Variants in ADAMTSL3 observed in about 807,000 individuals in gnomAD.
ADAMTSL3 encodes ADAMTS like 3.
ADAMTSL3 carries 128 observed loss-of-function variants against 201.7 expected under a neutral mutation model. That is an observed-to-expected ratio of 0.63 (90% CI 0.55 to 0.73). The LOEUF (loss-of-function observed/expected upper bound fraction) is 0.73. Among genes scored for constraint, ADAMTSL3 ranks in the 30% least tolerant of loss-of-function variants. The pLI, the probability that ADAMTSL3 is intolerant of heterozygous loss-of-function variation, is 0.00. For synonymous variants in ADAMTSL3, 738 were observed against 748.4 expected, an observed-to-expected ratio of 0.99 and a Z score of 0.23; for missense variants, 1,990 against 2,119.6, an observed-to-expected ratio of 0.94 and a Z score of 1.20.
chr15:83,987,894 C>G (rs1456201091), intron 21 of ADAMTSL3, among the ~76,000 whole-genome samples: 2 of 151,922 alleles, frequency 1.3e-5, no homozygotes, highest in East Asian at 3.9e-4. Context: ...AACCACTGAT[C>G]CGGGTGATTT....
chr15:83,930,414 T>C (rs1284376379), intron 17 of ADAMTSL3, among the ~76,000 whole-genome samples: 2 of 152,224 alleles, frequency 1.3e-5, no homozygotes, highest in Non-Finnish European at 2.9e-5. Flanking sequence ...GTTTAGTCAG[T>C]GCTCTTCCAT....
At chr15:83,863,029 T>C (rs2141796559) in intron 8 of ADAMTSL3, 1 of 152,282 alleles carries the variant, frequency 6.6e-6, no homozygotes, top group East Asian at 1.9e-4. Flanking sequence ...AAGAAGGCCA[T>C]TACATAGTGG....
chr15:83,921,341 A>G (rs1449311022), intron 16 of ADAMTSL3, among the ~76,000 whole-genome samples: 3 of 152,204 alleles, frequency 2.0e-5, no homozygotes, highest in Admixed American at 1.3e-4. Context: ...AGCATAGTGT[A>G]TCTATTTCTA....
At chr15:83,818,976 T>C (rs1441652709) in intron 5 of ADAMTSL3, among the ~76,000 whole-genome samples, 5 of 151,934 alleles carry the variant, frequency 3.3e-5, no homozygotes, top group African/African-American at 1.2e-4. Context: ...GACAGATGAA[T>C]TAAAAACAAC....
At chr15:83,734,775 C>T (rs1245341994) in intron 3 of ADAMTSL3, among the ~76,000 whole-genome samples, 1 of 152,062 alleles carries the variant, frequency 6.6e-6, no homozygotes, top group Non-Finnish European at 1.5e-5. Flanking sequence ...CCAGATTGCC[C>T]CCAGGGGTCA....
intron 19 of ADAMTSL3, among the ~76,000 whole-genome samples, chr15:83,956,690 C>T (rs962484781): frequency 1.7e-4 from 26 of 152,058 alleles, no homozygotes; most frequent in Non-Finnish European, 3.1e-4. Flanking sequence ...CACACACACA[C>T]ACACACACAC....
intron 3 of ADAMTSL3, among the ~76,000 whole-genome samples, chr15:83,730,575 C>A (rs1398524169): frequency 2.0e-5 from 3 of 151,838 alleles, no homozygotes; most frequent in African/African-American, 7.3e-5. Context: ...GCAAAACCAG[C>A]CTCAAGAACC....
intron 3 of ADAMTSL3, among the ~76,000 whole-genome samples, chr15:83,718,771 T>C (rs2062055200): frequency 1.3e-5 from 2 of 152,042 alleles, no homozygotes; most frequent in Middle Eastern, 3.2e-3. Context: ...ATGTCAACTA[T>C]GTTTATATCA....
intron 5 of ADAMTSL3, among the ~76,000 whole-genome samples, chr15:83,818,537 G>T (rs1256534023): frequency 6.6e-6 from 1 of 152,158 alleles, no homozygotes; most frequent in East Asian, 1.9e-4. Context: ...ATTTTGGCCA[G>T]GCTGGTCTGG....
intron 17 of ADAMTSL3, among the ~76,000 whole-genome samples, chr15:83,928,354 AAAG>A (rs1285998702): frequency 6.6e-6 from 1 of 152,146 alleles, no homozygotes; most frequent in Non-Finnish European, 1.5e-5. Context: ...AGAAGAGTAA[AAAG>A]AAGAAAATAC....
chr15:83,973,758 C>T (rs565365767), intron 20 of ADAMTSL3, among the ~76,000 whole-genome samples: 3 of 152,260 alleles, frequency 2.0e-5, no homozygotes, highest in Non-Finnish European at 2.9e-5. Flanking sequence ...AATCTACCCC[C>T]TCTCCTCCTC....
At chr15:83,718,430 G>A (rs189299919) in intron 3 of ADAMTSL3, among the ~76,000 whole-genome samples, 114 of 152,212 alleles carry the variant, frequency 7.5e-4, no homozygotes, top group African/African-American at 1.9e-3. Context: ...GAAGCCAGGC[G>A]CAGTGGCTCA....
chr15:83,700,379 T>C (rs2061754734), intron 2 of ADAMTSL3, among the ~76,000 whole-genome samples: 1 of 152,244 alleles, frequency 6.6e-6, no homozygotes, highest in Admixed American at 6.5e-5. Context: ...TGGTGATTGG[T>C]TAGTCTCCTA....
intron 13 of ADAMTSL3, among the ~76,000 whole-genome samples, chr15:83,893,856 A>T (rs1276406791): frequency 6.6e-6 from 1 of 152,168 alleles, no homozygotes; most frequent in Non-Finnish European, 1.5e-5. Flanking sequence ...TTAATCCTTT[A>T]ATTTTCTAGA....
intron 7 of ADAMTSL3, among the ~76,000 whole-genome samples, chr15:83,841,567 G>T (rs558978251): frequency 6.6e-6 from 1 of 152,044 alleles, no homozygotes. Context: ...TCCAAATAGC[G>T]TAGTAACTAG....
rs1186674867 is a variant in ADAMTSL3 at position 83,823,972 on chromosome 15, T to TCTCCTCCTCCTC, written c.600+3934_600+3945dup. Among the ~76,000 whole-genome samples, 11 of 71,210 alleles carry TCTCCTCCTCCTC rather than the reference T, an allele frequency of 1.5e-4. 1 individual carries two copies. The highest frequency in any genetic ancestry group is 4.2e-4 in the African/African-American group (10 of 24,018). 46.7% of individuals were successfully genotyped at this position (71,210 alleles called of 152,430 possible). A position where few individuals can be genotyped will look rare whatever the true frequency, so the allele number is the denominator to read the frequency against. On this transcript the variant is annotated intron_variant, in intron 6 of 29. Transcript: ENST00000286744. ...TTCTTCTTCTTCTTCTTCTTCTTCT[T>TCTCCTCCTCCTC]CTCCTCCTCCTCCTCCTCCTTCTCC...
intron 27 of ADAMTSL3, among the ~76,000 whole-genome samples, chr15:84,030,536 T>A (rs1481777243): frequency 6.6e-6 from 1 of 152,192 alleles, no homozygotes; most frequent in African/African-American, 2.4e-5. Context: ...GTACCTCCAC[T>A]GTATCTAGGA....
In ADAMTSL3 at chr15:83,897,982, C is replaced by T. The variant is rs1413993059; in HGVS notation, c.1592C>T (p.Pro531Leu). 3 of 1,613,490 alleles carry T rather than the reference C, an allele frequency of 1.9e-6. No homozygotes were observed. The highest frequency in any genetic ancestry group is 3.3e-5 in the Admixed American group (2 of 59,972). The change falls in exon 14 of 30, where the codon CCC (proline) becomes CTC (leucine). Residue 531 changes from proline to leucine, a missense_variant. By Grantham distance (98) the Pro-to-Leu change is moderately conservative (BLOSUM62 -3). Coordinates refer to ENST00000286744, the MANE Select transcript of ADAMTSL3 (RefSeq NM_207517.3). ...KLHIKEECVI[P>L]IPCYKPKEKS... Reference sequence around the variant, plus strand: ...CACATCAAAGAAGAATGTGTCATTCCCATCCCGTGTTATAAACCAAAAGGT... The same window carrying T: ...CACATCAAAGAAGAATGTGTCATTCTCATCCCGTGTTATAAACCAAAAGGT...
chr15:83,960,951 C>G (rs1470598199), intron 19 of ADAMTSL3, among the ~76,000 whole-genome samples: 1 of 152,026 alleles, frequency 6.6e-6, no homozygotes, highest in Admixed American at 6.6e-5. Context: ...AAGCAAGAGT[C>G]ACATGGATAA....
Sources: allele counts gnomAD v4.1 joint callset (sites outside exome capture counted in the v4.1 genomes callset), GRCh38; gene constraint gnomAD v4.1.1; transcripts MANE v1.5; gene names NCBI Gene and HGNC (gene_info 2026-07-23, HGNC 2026-07-21).